The following RPS26 variants were observed in gnomAD, a reference collection of about 807,000 sequenced individuals.
The protein encoded by RPS26 is ribosomal protein S26.
A neutral mutation model predicts 14.7 loss-of-function variants in RPS26; 1 was observed. The ratio of observed to expected loss-of-function variants is 0.07; its 90% CI spans 0.02 to 0.32. RPS26 has a LOEUF of 0.32. Ranked by LOEUF, RPS26 falls within the 10% of genes least tolerant of loss-of-function variation. The probability of loss-of-function intolerance (pLI) is 1.00; values close to 1 mark genes in which losing one functional copy is unlikely to be tolerated. For missense variants in RPS26, 63 were observed against 157.7 expected (o/e 0.40, Z 3.22); for synonymous variants, 59 against 53.1 (o/e 1.11, Z -0.48).
At chr12:56,043,292 C>G in intron 2 of RPS26, 71 bp from the exon 3 acceptor site, 1 of 1,391,790 alleles carries the variant, frequency 7.2e-7, no homozygotes, top group Non-Finnish European at 1.0e-6. Flanking sequence ...ATGTAAGGTG[C>G]TCTTCATTCA....
At position 56,044,357 on chromosome 12, in the gene RPS26, T is replaced by TC. The variant is rs1895935532; in HGVS notation, c.*203_*204insC. 7.2e-6 allele frequency: 3 copies of TC among 415,780 alleles called. 1 individual carries two copies. Among genetic ancestry groups the TC allele is most frequent in the Non-Finnish European group, 4.1e-6 (1 of 241,762 alleles). The allele number at this position is 415,780 out of a possible 1,614,324, so 25.8% of individuals were successfully genotyped here. ...ATTTAATTTTTTTCTTTTTTTTTTT[T>TC]TTTTTTTTGAGACGGAGTCTTTGTC... On this transcript the variant is annotated 3_prime_UTR_variant, in exon 4 of 4. Coordinates refer to ENST00000646449, the MANE Select transcript of RPS26 (RefSeq NM_001029.5).
chr12:56,043,205 G>C (rs941937527), intron 2 of RPS26, 158 bp from the exon 3 acceptor site: 71 of 682,446 alleles, frequency 1.0e-4, no homozygotes, highest in Middle Eastern at 4.0e-4. Flanking sequence ...TCAGGTATTG[G>C]GCTGAACAGG....
rs1895934184 is a variant in RPS26, at chr12:56,044,337, A to ATTTTTTTCT, written c.*191_*199dup. 2.2e-6 allele frequency: 1 copy of ATTTTTTTCT among 460,946 alleles called. No homozygotes were observed. The highest frequency in any genetic ancestry group is 3.7e-6 in the Non-Finnish European group (1 of 268,600). 28.6% of individuals were successfully genotyped at this position (460,946 alleles called of 1,614,324 possible). A position where few individuals can be genotyped will look rare whatever the true frequency, so the allele number is the denominator to read the frequency against. On this transcript the variant is annotated 3_prime_UTR_variant, in exon 4 of 4. Coordinates refer to ENST00000646449, the MANE Select transcript of RPS26 (RefSeq NM_001029.5). ...GAAGAAAGCTTATTCATGTAATTTAATTTTTTTCTTTTTTTTTTTTTTTTT... is the reference window on the plus strand; with the variant it reads ...GAAGAAAGCTTATTCATGTAATTTAATTTTTTTCTTTTTTTTCTTTTTTTTTTTTTTTTT...
chr12:56,043,173 A>G, intron 2 of RPS26, 190 bp from the exon 3 acceptor site: 2 of 578,484 alleles, frequency 3.5e-6, no homozygotes, highest in Non-Finnish European at 6.2e-6. Context: ...CACTTGTAAA[A>G]CTGAGGGTTA....
chr12:56,044,216 G>A lies in RPS26; in HGVS notation c.*62G>A. On this transcript the variant is annotated 3_prime_UTR_variant, in exon 4 of 4. Transcript: ENST00000646449. ...TCTGGAGAAAAATAAAATGGAAATT[G>A]TACTTAATATTGCATGTTAAGTGTA... 4 of 1,301,444 alleles carry A rather than the reference G, an allele frequency of 3.1e-6. No homozygotes were observed. The highest frequency in any genetic ancestry group is 4.5e-6 in the Non-Finnish European group (4 of 898,280). 80.6% of individuals were successfully genotyped at this position (1,301,444 alleles called of 1,614,324 possible). A position where few individuals can be genotyped will look rare whatever the true frequency, so the allele number is the denominator to read the frequency against.
Position 56,042,085 on chromosome 12 carries a change from C to A in RPS26, c.-82C>A. 2.1e-6 allele frequency: 3 copies of A among 1,433,668 alleles called. No individual in the cohort carries two copies. In the South Asian group the frequency reaches 3.4e-5, roughly 16 times the overall value. The allele number at this position is 1,433,668 out of a possible 1,614,324, so 88.8% of individuals were successfully genotyped here. The stretch of plus-strand genomic sequence containing the variant: ...TTGAAGCCCGTCTCCTAAGGATTCT[C>A]CCGGTGTCCGCGTAGGGATCTCATG... On this transcript the variant is annotated 5_prime_UTR_variant, in exon 1 of 4. Coordinates refer to ENST00000646449, the MANE Select transcript of RPS26 (RefSeq NM_001029.5).
chr12:56,042,963 C>T, intron 2 of RPS26: 4 of 412,354 alleles, frequency 9.7e-6, no homozygotes, highest in South Asian at 4.4e-5. Context: ...GAATGGAGGC[C>T]GTCTAGTTTG....
chr12:56,042,662 A>G, intron 2 of RPS26, 60 bp downstream of exon 2: 1 of 1,462,082 alleles, frequency 6.8e-7, no homozygotes. Flanking sequence ...CCTTCGCCCA[A>G]CTTCGCCCTT....
At position 56,044,345 on chromosome 12, in the gene RPS26, CTT is replaced by C. The variant is rs1191650736; in HGVS notation, c.*210_*211del. The C allele has an allele frequency of 0.024, 6,001 of 252,890 alleles. No homozygotes were observed. The highest frequency in any genetic ancestry group is 0.033 in the South Asian group (650 of 19,944). 15.7% of individuals were successfully genotyped at this position (252,890 alleles called of 1,614,324 possible). ...CTTATTCATGTAATTTAATTTTTTTCTTTTTTTTTTTTTTTTTTTTGAGACGG... is the reference window on the plus strand; with the variant it reads ...CTTATTCATGTAATTTAATTTTTTTCTTTTTTTTTTTTTTTTTTGAGACGG... On this transcript the variant is annotated 3_prime_UTR_variant, in exon 4 of 4. Transcript: ENST00000646449.
At chr12:56,043,554 G>C (rs1895920900) in intron 3 of RPS26, 61 bp downstream of exon 3, 1 of 1,568,170 alleles carries the variant, frequency 6.4e-7, no homozygotes, top group Non-Finnish European at 8.8e-7. Context: ...TCATCCTGGA[G>C]GGTCAGGGTG....
intron 3 of RPS26, 23 bp from the exon 4 acceptor site, chr12:56,044,096 T>C (rs1449923550): frequency 1.9e-6 from 3 of 1,610,782 alleles, no homozygotes; most frequent in Non-Finnish European, 2.5e-6. Context: ...TTTAATTTAC[T>C]CTTTTGTTTC....
At chr12:56,042,625 CTG>C (rs1895904172) in intron 2 of RPS26, 23 bp downstream of exon 2, 3 of 1,590,322 alleles carry the variant, frequency 1.9e-6, no homozygotes, top group Non-Finnish European at 1.7e-6. Flanking sequence ...CCGGCGCGAA[CTG>C]TGTGAGGATC....
chr12:56,043,010 G>A, intron 2 of RPS26: 2 of 397,298 alleles, frequency 5.0e-6, no homozygotes, highest in Non-Finnish European at 9.4e-6. Flanking sequence ...TAAGAACGTC[G>A]CTTTGTTTTT....
At chr12:56,042,721 A>AT (rs1354980503) in intron 2 of RPS26, 119 bp downstream of exon 2, 1 of 834,496 alleles carries the variant, frequency 1.2e-6, no homozygotes, top group Non-Finnish European at 2.0e-6. Flanking sequence ...CACGTATTTA[A>AT]GGTTGTTACT....
chr12:56,044,259 G>T lies in RPS26; in HGVS notation c.*105G>T. The T allele has an allele frequency of 1.1e-6, 1 of 913,774 alleles. No homozygotes were observed. Among genetic ancestry groups the T allele is most frequent in the Non-Finnish European group, 1.8e-6 (1 of 560,650 alleles). 56.6% of individuals were successfully genotyped at this position (913,774 alleles called of 1,614,324 possible). A position where few individuals can be genotyped will look rare whatever the true frequency, so the allele number is the denominator to read the frequency against. On this transcript the variant is annotated 3_prime_UTR_variant, in exon 4 of 4. Transcript: ENST00000646449. Reference sequence around the variant, plus strand: ...TAAGTGTATCTGTGCCAGATAAGGTGGGGATTTTGTGTGTTAGACCAAGTG... The same window carrying T: ...TAAGTGTATCTGTGCCAGATAAGGTTGGGATTTTGTGTGTTAGACCAAGTG...
Position 56,044,337 on chromosome 12 carries a change from ATTTT to A in RPS26, c.*187_*190del, listed in dbSNP as rs869197374. 2 of 461,008 alleles carry A rather than the reference ATTTT, an allele frequency of 4.3e-6. No homozygotes were observed. The highest frequency in any genetic ancestry group is 7.4e-6 in the Non-Finnish European group (2 of 268,594). 28.6% of individuals were successfully genotyped at this position (461,008 alleles called of 1,614,324 possible). ...GAAGAAAGCTTATTCATGTAATTTAATTTTTTTCTTTTTTTTTTTTTTTTTTTTG... is the reference window on the plus strand; with the variant it reads ...GAAGAAAGCTTATTCATGTAATTTAATTTCTTTTTTTTTTTTTTTTTTTTG... On this transcript the variant is annotated 3_prime_UTR_variant, in exon 4 of 4. Transcript: ENST00000646449.
Position 56,042,025 on chromosome 12 carries a change from G to C in RPS26, c.-142G>C. ...CTAGATTTCAGCAGAAATGCTGAAT[G>C]TAAAGGAATATTTGAGTAAAGTGAG... On this transcript the variant is annotated 5_prime_UTR_variant, in exon 1 of 4. The change abolishes an upstream ATG in the 5' untranslated region. Transcript: ENST00000646449. 1 of 850,404 alleles carries C rather than the reference G, an allele frequency of 1.2e-6. No homozygotes were observed. Among genetic ancestry groups the C allele is most frequent in the East Asian group, 2.6e-5 (1 of 39,172 alleles). 52.7% of individuals were successfully genotyped at this position (850,404 alleles called of 1,614,324 possible). A position where few individuals can be genotyped will look rare whatever the true frequency, so the allele number is the denominator to read the frequency against.
chr12:56,044,365 TGAGACGGA>T lies in RPS26; in HGVS notation c.*213_*220del, dbSNP rs1895936095. The stretch of plus-strand genomic sequence containing the variant: ...TTTTTCTTTTTTTTTTTTTTTTTTT[TGAGACGGA>T]GTCTTTGTCGCCCAAGCTGAATTGC... On this transcript the variant is annotated 3_prime_UTR_variant, in exon 4 of 4. Transcript: ENST00000646449. 5.8e-6 allele frequency: 2 copies of T among 345,388 alleles called. No homozygotes were observed. Among genetic ancestry groups the T allele is most frequent in the African/African-American group, 2.8e-5 (1 of 36,350 alleles). 21.4% of individuals were successfully genotyped at this position (345,388 alleles called of 1,614,324 possible).
rs78108003 is a variant in RPS26, at chr12:56,041,958, T to G, written c.-209T>G. Reference sequence around the variant, plus strand: ...TCCGGCTAAATAGTCCCATGTGCACTTTGTTCCATGGATAAATAAACACTA... The same window carrying G: ...TCCGGCTAAATAGTCCCATGTGCACGTTGTTCCATGGATAAATAAACACTA... On this transcript the variant is annotated 5_prime_UTR_variant, in exon 1 of 4. Coordinates refer to ENST00000646449, the MANE Select transcript of RPS26 (RefSeq NM_001029.5). 1.1e-3 allele frequency: 695 copies of G among 661,084 alleles called. 9 individuals carry two copies. The East Asian group carries it at 0.017, about 16-fold the overall frequency. The allele number at this position is 661,084 out of a possible 1,614,324, so 41.0% of individuals were successfully genotyped here.
Sources: allele counts gnomAD v4.1 joint callset, GRCh38; gene constraint gnomAD v4.1.1; transcripts MANE v1.5; gene names NCBI Gene and HGNC (gene_info 2026-07-23, HGNC 2026-07-21).